The following PDE4D variants were observed in gnomAD, a reference collection of about 807,000 sequenced individuals.
PDE4D encodes phosphodiesterase 4D, also known as 3',5'-cyclic-AMP phosphodiesterase 4D.
Under a neutral mutation model 87.4 loss-of-function variants are expected in PDE4D, and 24 were observed. That is an observed-to-expected ratio of 0.27 (90% CI 0.20 to 0.39). PDE4D has a LOEUF of 0.39. Ranked by LOEUF, PDE4D falls within the 10% of genes least tolerant of loss-of-function variation. PDE4D has a pLI of 1.00. For missense variants in PDE4D, 714 were observed against 1,041.0 expected, an observed-to-expected ratio of 0.69 and a Z score of 4.32; for synonymous variants, 384 against 383.2, an observed-to-expected ratio of 1.00 and a Z score of -0.02.
rs1356944173 is a variant in PDE4D at position 58,989,914 on chromosome 5, C to T, written c.1293G>A (p.Arg431=). ...GAATTTTAAATGTTTTTAATAAATC[C>T]CGTTCCTGTAGGAAAAAAAATCATC... The part of the protein sequence containing the change: ...TVIMHTIFQE[R]DLLKTFKIPV... Residue 431 remains arginine, a synonymous_variant, in exon 10 of 15, where the codon CGG becomes CGA. Coordinates refer to ENST00000340635, the MANE Select transcript of PDE4D (RefSeq NM_001104631.2). The T allele has an allele frequency of 4.0e-6, 6 of 1,514,074 alleles. No individual in the cohort carries two copies. The highest frequency in any genetic ancestry group is 4.5e-6 in the Non-Finnish European group (5 of 1,100,664). 93.8% of individuals were successfully genotyped at this position (1,514,074 alleles called of 1,614,324 possible). A position where few individuals can be genotyped will look rare whatever the true frequency, so the allele number is the denominator to read the frequency against.
At chr5:59,403,101 T>G (rs949387009) in intron 1 of PDE4D, among the ~76,000 whole-genome samples, 19 of 136,746 alleles carry the variant, frequency 1.4e-4, no homozygotes, top group African/African-American at 4.9e-4. Context: ...ACATAATTTT[T>G]TAAATTTTAA....
intron 2 of PDE4D, among the ~76,000 whole-genome samples, chr5:60,011,145 C>A (rs1764985323): frequency 6.6e-6 from 1 of 152,104 alleles, no homozygotes; most frequent in Admixed American, 6.6e-5. Context: ...TTAGTTCCAG[C>A]AATCACTTCA....
intron 3 of PDE4D, among the ~76,000 whole-genome samples, chr5:59,970,377 A>G (rs990988072): frequency 6.6e-6 from 1 of 152,198 alleles, no homozygotes; most frequent in South Asian, 2.1e-4. Flanking sequence ...TAAACTAAAG[A>G]GCTTCTGTAC....
chr5:59,527,120 A>G (rs1813297689), intron 1 of PDE4D, among the ~76,000 whole-genome samples: 1 of 152,174 alleles, frequency 6.6e-6, no homozygotes, highest in Non-Finnish European at 1.5e-5. Flanking sequence ...CTGCAATCCT[A>G]CTTACCCTGA....
intron 1 of PDE4D, among the ~76,000 whole-genome samples, chr5:59,540,867 T>C (rs951716099): frequency 1.3e-5 from 2 of 152,216 alleles, no homozygotes; most frequent in Non-Finnish European, 2.9e-5. Flanking sequence ...TCCTCTGTTG[T>C]GTCATTGTGC....
intron 1 of PDE4D, among the ~76,000 whole-genome samples, chr5:59,230,452 T>C (rs1483005978): frequency 6.6e-6 from 1 of 152,194 alleles, no homozygotes; most frequent in Non-Finnish European, 1.5e-5. Flanking sequence ...ATTTGGGTAT[T>C]TAGGCTTACT....
At chr5:60,466,129 T>C (rs1450868819) in intron 1 of PDE4D, among the ~76,000 whole-genome samples, 1 of 152,196 alleles carries the variant, frequency 6.6e-6, no homozygotes, top group Non-Finnish European at 1.5e-5. Context: ...TATCCATTGT[T>C]TGGGTGATCT....
chr5:59,281,931 A>C (rs1429036524), intron 1 of PDE4D, among the ~76,000 whole-genome samples: 1 of 152,216 alleles, frequency 6.6e-6, no homozygotes, highest in African/African-American at 2.4e-5. Context: ...ACACCTTGAG[A>C]AATCAATGTA....
intron 1 of PDE4D, among the ~76,000 whole-genome samples, chr5:59,869,866 T>C: frequency 6.6e-6 from 1 of 152,314 alleles, no homozygotes; most frequent in Non-Finnish European, 1.5e-5. Flanking sequence ...TCCAATCCTC[T>C]GGTTCTAAAA....
intron 1 of PDE4D, among the ~76,000 whole-genome samples, chr5:59,844,545 A>G (rs556254276): frequency 1.3e-5 from 2 of 152,100 alleles, no homozygotes; most frequent in Non-Finnish European, 2.9e-5. Context: ...CCAGGTCAGC[A>G]TTCCAGCCTT....
intron 1 of PDE4D, among the ~76,000 whole-genome samples, chr5:59,380,388 C>CAAAAAA (rs10574102): frequency 1.9e-4 from 21 of 108,916 alleles, no homozygotes; most frequent in Middle Eastern, 4.9e-3. Flanking sequence ...CAAAAGCAAT[C>CAAAAAA]AAAAAAAAAA....
At chr5:60,405,444 C>T (rs552576486) in intron 1 of PDE4D, among the ~76,000 whole-genome samples, 24 of 152,294 alleles carry the variant, frequency 1.6e-4, no homozygotes, top group African/African-American at 5.5e-4. Flanking sequence ...CTGTAACTGG[C>T]GCAATTTTTG....
At chr5:60,106,168 C>T (rs369197027) in intron 2 of PDE4D, among the ~76,000 whole-genome samples, 1 of 151,392 alleles carries the variant, frequency 6.6e-6, no homozygotes. Context: ...GGAAGATCTA[C>T]CAAGCAAATG....
At chr5:59,561,385 A>G (rs1561209551) in intron 1 of PDE4D, among the ~76,000 whole-genome samples, 1 of 152,230 alleles carries the variant, frequency 6.6e-6, no homozygotes, top group East Asian at 1.9e-4. Context: ...AATTTGCTCA[A>G]TTAGACAAAG....
At chr5:60,247,275 C>T (rs1445245470) in intron 1 of PDE4D, among the ~76,000 whole-genome samples, 1 of 151,960 alleles carries the variant, frequency 6.6e-6, no homozygotes, top group Admixed American at 6.6e-5. Context: ...TTCAATTCAA[C>T]CTTTACTTCT....
chr5:59,972,583 G>A (rs1760902122), intron 3 of PDE4D, among the ~76,000 whole-genome samples: 1 of 152,226 alleles, frequency 6.6e-6, no homozygotes, highest in Non-Finnish European at 1.5e-5. Context: ...CTGTTTTAAT[G>A]CTGAGCACAT....
At chr5:59,036,528 C>T (rs950241565) in intron 6 of PDE4D, among the ~76,000 whole-genome samples, 1 of 152,164 alleles carries the variant, frequency 6.6e-6, no homozygotes, top group Non-Finnish European at 1.5e-5. Context: ...CTCACAGGGG[C>T]CTTCCGATCA....
intron 1 of PDE4D, among the ~76,000 whole-genome samples, chr5:59,260,125 G>A (rs1311289433): frequency 6.6e-6 from 1 of 151,754 alleles, no homozygotes; most frequent in Non-Finnish European, 1.5e-5. Flanking sequence ...TGTCCTGAGA[G>A]TCTTTTTTTC....
At chr5:60,257,995 A>G (rs981567670) in intron 1 of PDE4D, among the ~76,000 whole-genome samples, 1 of 152,012 alleles carries the variant, frequency 6.6e-6, no homozygotes, top group Admixed American at 6.6e-5. Context: ...TTCTGGACCT[A>G]TCTAATAATA....
Sources: allele counts gnomAD v4.1 joint callset (sites outside exome capture counted in the v4.1 genomes callset), GRCh38; gene constraint gnomAD v4.1.1; transcripts MANE v1.5; gene names NCBI Gene and HGNC (gene_info 2026-07-23, HGNC 2026-07-21).